Variants in DNAL4 observed in about 807,000 individuals in gnomAD.
DNAL4 encodes the protein dynein axonemal light chain 4, also known as dynein light chain, outer arm 4.
DNAL4 carries 10 observed loss-of-function variants against 12.6 expected under a neutral mutation model. That is an observed-to-expected ratio of 0.79 (90% CI 0.49 to 1.34). DNAL4 has a LOEUF of 1.34. Ranked by LOEUF, DNAL4 falls within the 40% of genes most tolerant of loss-of-function variation. The probability of loss-of-function intolerance (pLI) is 0.00; values close to 1 mark genes in which losing one functional copy is unlikely to be tolerated. For synonymous variants in DNAL4, 46 were observed against 53.1 expected (o/e 0.87, Z 0.58); for missense variants, 128 against 138.1 (o/e 0.93, Z 0.37).
In DNAL4 at chr22:38,779,406, G is replaced by A. The variant is rs763232892; in HGVS notation, c.*43C>T. On this transcript the variant is annotated 3_prime_UTR_variant, in exon 4 of 4. Transcript: ENST00000216068. This position sits in a 1 kb window ranked among gnomAD's most constrained non-coding sequence, Gnocchi z 4.3. ...GGGCTGCTCCCCACCCCAGATGAGT[G>A]GCAGGAAAAGGCCCTGCAGGGGACG... 6.5e-7 allele frequency: 1 copy of A among 1,537,444 alleles called. No homozygotes were observed. Among genetic ancestry groups the A allele is most frequent in the African/African-American group, 1.4e-5 (1 of 73,068 alleles).
At chr22:38,787,395 C>T (rs896034094) in intron 1 of DNAL4, among the ~76,000 whole-genome samples, 1 of 152,090 alleles carries the variant, frequency 6.6e-6, no homozygotes, top group Non-Finnish European at 1.5e-5. Flanking sequence ...GTACGCGCCA[C>T]CACGCCTGGC....
chr22:38,779,745 C>G lies in DNAL4; in HGVS notation c.154-132G>C. 8.2e-7 allele frequency: 1 copy of G among 1,220,184 alleles called. No homozygotes were observed. The highest frequency in any genetic ancestry group is 1.1e-6 in the Non-Finnish European group (1 of 895,888). 75.6% of individuals were successfully genotyped at this position (1,220,184 alleles called of 1,614,324 possible). A position where few individuals can be genotyped will look rare whatever the true frequency, so the allele number is the denominator to read the frequency against. ...AGGCCTGCTGTCCTATTTCTCTTGT[C>G]CTCCTGCTTCAAAAAGGGTTTCCAC... On this transcript the variant is annotated intron_variant, in intron 3 of 3. Transcript: ENST00000216068. This position sits in a 1 kb window ranked among gnomAD's most constrained non-coding sequence, Gnocchi z 4.3.
Position 38,780,996 on chromosome 22 carries a change from G to T in DNAL4, c.83C>A (p.Pro28Gln). Residue 28 changes from proline to glutamine, a missense_variant, in exon 3 of 4, where the codon CCA (proline) becomes CAA (glutamine). Transcript: ENST00000216068. ...TFPLVRHSDMPEEMRVETMEL... is the reference protein window; with the variant it reads ...TFPLVRHSDMQEEMRVETMEL... ...CATGGTCTCCACGCGCATCTCCTCT[G>T]GCATGTCCGAGTGCTAGAGACAGGG... The T allele has an allele frequency of 6.2e-7, 1 of 1,614,090 alleles. No individual in the cohort carries two copies. Among genetic ancestry groups the T allele is most frequent in the African/African-American group, 1.3e-5 (1 of 75,054 alleles).
chr22:38,781,054 G>A (rs746121396), intron 2 of DNAL4, 45 bp from the exon 3 acceptor site: 15 of 1,606,348 alleles, frequency 9.3e-6, no homozygotes, highest in Non-Finnish European at 1.2e-5. Flanking sequence ...GGCTTAGCCC[G>A]TGACCTGGCC....
intron 1 of DNAL4, among the ~76,000 whole-genome samples, chr22:38,783,884 G>A (rs1428018123): frequency 6.6e-6 from 1 of 152,066 alleles, no homozygotes; most frequent in Non-Finnish European, 1.5e-5. Context: ...GACGGGCCTG[G>A]ACCCGAGATG....
At chr22:38,788,698 G>A (rs2093046097) in intron 1 of DNAL4, among the ~76,000 whole-genome samples, 1 of 152,180 alleles carries the variant, frequency 6.6e-6, no homozygotes, top group African/African-American at 2.4e-5. Context: ...ACAGCTGCTC[G>A]CCACACACAG....
chr22:38,793,508 T>C (rs1325287436), intron 1 of DNAL4, among the ~76,000 whole-genome samples: 1 of 152,104 alleles, frequency 6.6e-6, no homozygotes, highest in Non-Finnish European at 1.5e-5. Context: ...TACCTCCCAT[T>C]GGGGAGCACA....
chr22:38,786,848 T>C (rs562249881), intron 1 of DNAL4, among the ~76,000 whole-genome samples: 2 of 152,340 alleles, frequency 1.3e-5, no homozygotes, highest in East Asian at 3.9e-4. Flanking sequence ...TTCCTGGTCC[T>C]GCTATCCCTT....
intron 1 of DNAL4, among the ~76,000 whole-genome samples, chr22:38,788,584 C>T (rs1476327152): frequency 6.6e-6 from 1 of 152,162 alleles, no homozygotes; most frequent in Non-Finnish European, 1.5e-5. Flanking sequence ...CTCACACATG[C>T]ACCCTCAAGG....
rs1254723983 is a variant in DNAL4, at chr22:38,779,426, G to A, written c.*23C>T. ...TGAGTGGCAGGAAAAGGCCCTGCAG[G>A]GGACGGGGCAGGGGACAGAGTGTCA... On this transcript the variant is annotated 3_prime_UTR_variant, in exon 4 of 4. Transcript: ENST00000216068. The surrounding 1 kb of genome is among the most constrained non-coding windows in gnomAD (Gnocchi z 4.3). 6.4e-7 allele frequency: 1 copy of A among 1,554,224 alleles called. No homozygotes were observed. The highest frequency in any genetic ancestry group is 8.7e-7 in the Non-Finnish European group (1 of 1,147,954).
At chr22:38,785,674 A>AT (rs1401609247) in intron 1 of DNAL4, 1 of 152,292 alleles carries the variant, frequency 6.6e-6, no homozygotes, top group Non-Finnish European at 1.5e-5. Flanking sequence ...GTGTGCAGGC[A>AT]TGGAGACCAG....
chr22:38,792,331 T>C (rs1247562143), intron 1 of DNAL4, among the ~76,000 whole-genome samples: 1 of 152,078 alleles, frequency 6.6e-6, no homozygotes, highest in Non-Finnish European at 1.5e-5. Context: ...TGCCCAGGCT[T>C]GAGCGCAATG....
chr22:38,782,566 C>T lies in DNAL4; in HGVS notation c.69+97G>A, dbSNP rs139204803. The T allele has an allele frequency of 3.0e-3, 3,839 of 1,264,832 alleles. 9 individuals carry two copies. The highest frequency in any genetic ancestry group is 3.9e-3 in the Non-Finnish European group (3,488 of 890,040). The allele number at this position is 1,264,832 out of a possible 1,614,324, so 78.4% of individuals were successfully genotyped here. On this transcript the variant is annotated intron_variant, in intron 2 of 3. Coordinates refer to ENST00000216068, the MANE Select transcript of DNAL4 (RefSeq NM_005740.3). The surrounding 1 kb of genome is among the most constrained non-coding windows in gnomAD (Gnocchi z 5.1). ...GAGCCAGCAGAGCCCTTCTTAACTT[C>T]CTCCCACTGCCATCCTGCAAGGGAC... is the stretch of plus-strand genomic sequence containing the variant.
intron 1 of DNAL4, among the ~76,000 whole-genome samples, chr22:38,789,617 G>C (rs2093047609): frequency 1.3e-5 from 2 of 152,130 alleles, no homozygotes; most frequent in African/African-American, 4.8e-5. Context: ...TCATCAGACA[G>C]TCCCTGCCTT....
chr22:38,780,195 G>T (rs1388990462), intron 3 of DNAL4, among the ~76,000 whole-genome samples: 2 of 152,194 alleles, frequency 1.3e-5, no homozygotes, highest in African/African-American at 4.8e-5. Context: ...GGCGCCTGAG[G>T]TACACCAACA....
At chr22:38,787,707 T>C (rs748911459) in intron 1 of DNAL4, among the ~76,000 whole-genome samples, 3 of 152,238 alleles carry the variant, frequency 2.0e-5, no homozygotes, top group African/African-American at 4.8e-5. Context: ...TGCAAACCAC[T>C]GTGGTAGTAA....
intron 1 of DNAL4, among the ~76,000 whole-genome samples, 162 bp from the exon 2 acceptor site, chr22:38,783,032 G>A (rs569625537): frequency 7.9e-5 from 12 of 152,270 alleles, no homozygotes; most frequent in Non-Finnish European, 1.2e-4. Flanking sequence ...GAGTCAACAC[G>A]AGATGCTGGG....
intron 1 of DNAL4, among the ~76,000 whole-genome samples, chr22:38,786,958 G>A (rs1200650276): frequency 1.3e-5 from 2 of 152,174 alleles, no homozygotes; most frequent in Admixed American, 6.5e-5. Flanking sequence ...GAGGGACTGG[G>A]AAAAATGAAT....
chr22:38,789,069 A>G (rs1429587012), intron 1 of DNAL4, among the ~76,000 whole-genome samples: 1 of 152,168 alleles, frequency 6.6e-6, no homozygotes, highest in Non-Finnish European at 1.5e-5. Context: ...TATTTATTGA[A>G]CACTGATCCT....
Sources: gnomAD v4.1 joint callset for allele counts (sites outside exome capture counted in the v4.1 genomes callset) on GRCh38, gnomAD v4.1.1 for gene constraint, Gnocchi (gnomAD v3.1) non-coding constraint, MANE v1.5 for transcripts, NCBI Gene and HGNC (gene_info 2026-07-23, HGNC 2026-07-21) for gene names.